The following ANKS1B variants were observed in gnomAD, a reference collection of about 807,000 sequenced individuals.
ANKS1B encodes the protein ankyrin repeat and sterile alpha motif domain-containing protein 1B.
Under a neutral mutation model 148.3 loss-of-function variants are expected in ANKS1B, and 36 were observed. That is an observed-to-expected ratio of 0.24 (90% confidence interval 0.19 to 0.32). The LOEUF is 0.32. ANKS1B is among the 10% of genes least tolerant of loss of function. The pLI, the probability that ANKS1B is intolerant of heterozygous loss-of-function variation, is 1.00. For synonymous variants in ANKS1B, 542 were observed against 560.8 expected (o/e 0.97, Z 0.47); for missense variants, 1,157 against 1,542.6 (o/e 0.75, Z 4.19).
At position 99,818,755 on chromosome 12, in the gene ANKS1B, C is replaced by T. The variant is rs2082167098; in HGVS notation, c.216-6444G>A. Among the ~76,000 whole-genome samples, 5 of 151,746 alleles carry T rather than the reference C, an allele frequency of 3.3e-5. 1 individual carries two copies. The South Asian group carries it at 1.0e-3, about 31-fold the overall frequency. On this transcript the variant is annotated intron_variant, in intron 2 of 26. Coordinates refer to ENST00000683438, the MANE Select transcript of ANKS1B (RefSeq NM_001352186.2). ...CAATGTAAATAGCTGCAATATTTTG[C>T]AGCTTTAAGCTAATACATGTAAGTT...
At chr12:99,465,633 G>T (rs1019462224) in intron 10 of ANKS1B, among the ~76,000 whole-genome samples, 3 of 151,846 alleles carry the variant, frequency 2.0e-5, no homozygotes, top group Non-Finnish European at 4.4e-5. Flanking sequence ...AAAAGGAAGG[G>T]GTTGCAATCC....
At chr12:99,116,162 A>G (rs764184173) in intron 15 of ANKS1B, among the ~76,000 whole-genome samples, 1 of 152,178 alleles carries the variant, frequency 6.6e-6, no homozygotes, top group Non-Finnish European at 1.5e-5. Flanking sequence ...ACACATAGCA[A>G]GCACTCCTAA....
intron 1 of ANKS1B, among the ~76,000 whole-genome samples, chr12:99,957,707 T>C (rs747375147): frequency 2.0e-5 from 3 of 152,218 alleles, no homozygotes; most frequent in Non-Finnish European, 4.4e-5. Flanking sequence ...GCACAATGCC[T>C]AGCACATAAT....
chr12:99,950,538 T>C (rs2095191852), intron 1 of ANKS1B, among the ~76,000 whole-genome samples: 1 of 152,192 alleles, frequency 6.6e-6, no homozygotes, highest in South Asian at 2.1e-4. Flanking sequence ...TAATGTAATG[T>C]AATTATGTTT....
chr12:99,579,803 G>C (rs1029537102), intron 9 of ANKS1B, among the ~76,000 whole-genome samples: 2 of 152,064 alleles, frequency 1.3e-5, no homozygotes, highest in African/African-American at 2.4e-5. Context: ...ATTTCTCAAA[G>C]AATTTAAGTC....
intron 14 of ANKS1B, among the ~76,000 whole-genome samples, chr12:99,165,250 C>T (rs2077083630): frequency 1.3e-5 from 2 of 151,430 alleles, no homozygotes; most frequent in South Asian, 2.1e-4. Context: ...ATAACTCCAA[C>T]AAAAATAAGC....
chr12:99,289,454 G>A (rs1442706889), intron 12 of ANKS1B, among the ~76,000 whole-genome samples: 1 of 151,994 alleles, frequency 6.6e-6, no homozygotes, highest in African/African-American at 2.4e-5. Context: ...TCATCCAATG[G>A]CTGCAGAATA....
At chr12:99,471,247 T>A (rs1511964) in intron 10 of ANKS1B, among the ~76,000 whole-genome samples, 26,596 of 152,070 alleles carry the variant, frequency 0.17, 2,512 homozygotes, top group Middle Eastern at 0.24. Flanking sequence ...CACAAAATCA[T>A]GATTTTTGTT....
intron 17 of ANKS1B, among the ~76,000 whole-genome samples, chr12:98,841,341 G>C (rs2099404689): frequency 6.6e-6 from 1 of 152,144 alleles, no homozygotes; most frequent in African/African-American, 2.4e-5. Context: ...TCCTAGGTAA[G>C]TGAGGGCCTG....
intron 17 of ANKS1B, among the ~76,000 whole-genome samples, chr12:98,938,360 TG>T (rs1393796763): frequency 6.6e-6 from 1 of 152,186 alleles, no homozygotes; most frequent in Non-Finnish European, 1.5e-5. Context: ...CTGTAGACAC[TG>T]GTTTTCAACC....
At chr12:98,979,360 C>T (rs1000870523) in intron 17 of ANKS1B, among the ~76,000 whole-genome samples, 2 of 151,480 alleles carry the variant, frequency 1.3e-5, no homozygotes, top group African/African-American at 2.4e-5. Flanking sequence ...CCCCGCCTCC[C>T]GGGTTCAAGC....
At chr12:99,975,420 T>C (rs1566121480) in intron 1 of ANKS1B, among the ~76,000 whole-genome samples, 1 of 152,230 alleles carries the variant, frequency 6.6e-6, no homozygotes, top group Non-Finnish European at 1.5e-5. Flanking sequence ...TCCATGACGT[T>C]AGAGGATAAA....
rs140071880 is a variant in ANKS1B at position 98,822,715 on chromosome 12, A to G, written c.3066+6459T>C. ...AAGGTGGAGACGTCAGAGCTTCTCT[A>G]GCAAAACGACTGGAGGTGTTTAGGG... On this transcript the variant is annotated intron_variant, in intron 19 of 26. Transcript: ENST00000683438. Among the ~76,000 whole-genome samples, 12 of 152,320 alleles carry G rather than the reference A, an allele frequency of 7.9e-5. No homozygotes were observed. The East Asian group carries it at 2.1e-3, about 27-fold the overall frequency.
At chr12:99,283,282 A>C (rs1321528529) in intron 12 of ANKS1B, among the ~76,000 whole-genome samples, 2 of 152,184 alleles carry the variant, frequency 1.3e-5, no homozygotes, top group Non-Finnish European at 1.5e-5. Flanking sequence ...CAGATTTCTC[A>C]TGCTTCCTTC....
intron 26 of ANKS1B, among the ~76,000 whole-genome samples, chr12:98,749,452 T>TA (rs2098012829): frequency 6.6e-6 from 1 of 151,840 alleles, no homozygotes; most frequent in African/African-American, 2.4e-5. Flanking sequence ...AAGCCATCAG[T>TA]AAAAAACCCT....
At chr12:99,390,238 G>C (rs1400633090) in intron 12 of ANKS1B, among the ~76,000 whole-genome samples, 1 of 152,212 alleles carries the variant, frequency 6.6e-6, no homozygotes, top group African/African-American at 2.4e-5. Context: ...AATAGGGATA[G>C]TATTTTTTAA....
chr12:99,645,759 C>G (rs2098355998), intron 9 of ANKS1B, among the ~76,000 whole-genome samples: 1 of 152,056 alleles, frequency 6.6e-6, no homozygotes, highest in Non-Finnish European at 1.5e-5. Context: ...AGGTAGTTTT[C>G]TAAACAGCTA....
intron 9 of ANKS1B, among the ~76,000 whole-genome samples, chr12:99,650,615 C>T (rs759685519): frequency 5.3e-5 from 8 of 152,058 alleles, no homozygotes; most frequent in Non-Finnish European, 1.2e-4. Context: ...ATTTTAATCC[C>T]CTGACGCTAT....
intron 17 of ANKS1B, among the ~76,000 whole-genome samples, chr12:99,000,268 CTTTTT>C (rs905457820): frequency 1.6e-5 from 2 of 125,440 alleles, no homozygotes; most frequent in Admixed American, 8.4e-5. Flanking sequence ...TTTCTTTTTC[CTTTTT>C]TTTTTTTTTT....
Sources: allele counts gnomAD v4.1 joint callset (sites outside exome capture counted in the v4.1 genomes callset), GRCh38; gene constraint gnomAD v4.1.1; transcripts MANE v1.5; gene names NCBI Gene and HGNC (gene_info 2026-07-23, HGNC 2026-07-21).